Variants in ZNF107 observed in about 807,000 individuals in gnomAD.
ZNF107 encodes the protein C2H2 type zinc-finger protein.
A neutral mutation model predicts 12.3 loss-of-function variants in ZNF107; 19 were observed. That is an observed-to-expected ratio of 1.55 (90% CI 1.08 to 2.27). ZNF107 has a LOEUF of 2.27. Among genes scored for constraint, ZNF107 ranks in the 30% most tolerant of loss-of-function variants. ZNF107 has a pLI of 0.00. For missense variants in ZNF107, 958 were observed against 979.9 expected (o/e 0.98, Z 0.30); for synonymous variants, 317 against 330.5 (o/e 0.96, Z 0.44).
chr7:64,670,186 TA>T (rs1034083294), intron 1 of ZNF107, among the ~76,000 whole-genome samples: 2 of 151,944 alleles, frequency 1.3e-5, no homozygotes, highest in African/African-American at 4.8e-5. Flanking sequence ...AAGGTTTCTG[TA>T]AAAAAAATTC....
chr7:64,682,986 CACACTTGG>C (rs1361884242), intron 1 of ZNF107, among the ~76,000 whole-genome samples: 1 of 152,148 alleles, frequency 6.6e-6, no homozygotes, highest in Non-Finnish European at 1.5e-5. Context: ...AAACCCAGAT[CACACTTGG>C]TTTATTGATG....
intron 1 of ZNF107, among the ~76,000 whole-genome samples, chr7:64,690,742 T>A (rs1427431368): frequency 6.6e-6 from 1 of 152,158 alleles, no homozygotes; most frequent in Non-Finnish European, 1.5e-5. Flanking sequence ...CCTATACATT[T>A]TTTTATTCTT....
intron 1 of ZNF107, chr7:64,690,235 A>T: frequency 2.9e-6 from 1 of 345,536 alleles, no homozygotes; most frequent in Non-Finnish European, 4.1e-6. Flanking sequence ...TGCTAAGAAT[A>T]CATATTTATC....
intron 3 of ZNF107, among the ~76,000 whole-genome samples, chr7:64,699,075 A>G (rs1790386511): frequency 6.6e-6 from 1 of 151,814 alleles, no homozygotes; most frequent in South Asian, 2.1e-4. Context: ...TTTTGTTATT[A>G]TAGCTTTTAA....
chr7:64,698,977 A>C (rs1790383569), intron 3 of ZNF107, among the ~76,000 whole-genome samples: 1 of 152,148 alleles, frequency 6.6e-6, no homozygotes, highest in Non-Finnish European at 1.5e-5. Context: ...AACTTTGTAG[A>C]AGATCATTTG....
chr7:64,668,691 A>C (rs1789103018), intron 1 of ZNF107, among the ~76,000 whole-genome samples: 1 of 152,142 alleles, frequency 6.6e-6, no homozygotes. Flanking sequence ...AAGAATTCTC[A>C]TTTACCTTTT....
Position 64,679,118 on chromosome 7 carries a change from A to G in ZNF107, c.4-12130A>G, listed in dbSNP as rs1434442711. ...CAGGCTTTGTGTGAGCAGTGAGGCT[A>G]TTTATTCACTTGGGTGCGAGCTCAC... On this transcript the variant is annotated intron_variant, in intron 1 of 3. Transcript: ENST00000620827. 2.0e-5 allele frequency: 18 copies of G among 909,078 alleles called. No individual in the cohort carries two copies. The East Asian group carries it at 3.7e-4, about 19-fold the overall frequency. The allele number at this position is 909,078 out of a possible 1,614,324, so 56.3% of individuals were successfully genotyped here. A position where few individuals can be genotyped will look rare whatever the true frequency, so the allele number is the denominator to read the frequency against.
Position 64,708,676 on chromosome 7 carries a change from A to G in ZNF107, c.*20A>G. On this transcript the variant is annotated 3_prime_UTR_variant, in exon 4 of 4. Coordinates refer to ENST00000620827, the MANE Select transcript of ZNF107 (RefSeq NM_001282359.2). The stretch of plus-strand genomic sequence containing the variant: ...ACTTAATTGATCCTACAAGCTTACT[A>G]CACATAGGAAAATTCATACTGGAGA... 2 of 1,574,942 alleles carry G rather than the reference A, an allele frequency of 1.3e-6. No individual in the cohort carries two copies. The highest frequency in any genetic ancestry group is 1.7e-6 in the Non-Finnish European group (2 of 1,159,298).
chr7:64,666,795 T>C (rs1562819178), intron 1 of ZNF107, among the ~76,000 whole-genome samples: 2 of 152,200 alleles, frequency 1.3e-5, no homozygotes, highest in Non-Finnish European at 2.9e-5. Context: ...CCAGCTGTGG[T>C]TTGTAGTTTA....
chr7:64,680,667 G>A (rs972344037), intron 1 of ZNF107, among the ~76,000 whole-genome samples: 1 of 152,184 alleles, frequency 6.6e-6, no homozygotes, highest in African/African-American at 2.4e-5. Flanking sequence ...AGACCCTGAA[G>A]GGCCAGGGGC....
At chr7:64,669,503 C>G (rs111461286) in intron 1 of ZNF107, among the ~76,000 whole-genome samples, 3,314 of 152,186 alleles carry the variant, frequency 0.022, 117 homozygotes, top group African/African-American at 0.076. Flanking sequence ...CTTAAAATTT[C>G]CTTCCCTTGG....
rs181133273 is a variant in ZNF107 at position 64,709,432 on chromosome 7, A to G, written c.*776A>G. On this transcript the variant is annotated 3_prime_UTR_variant, in exon 4 of 4. Coordinates refer to ENST00000620827, the MANE Select transcript of ZNF107 (RefSeq NM_001282359.2). Reference sequence around the variant, plus strand: ...AACCAATCCTCAAACCTCACTAAACATAAGATAATACTGAAAACTTTACAA... The same window carrying G: ...AACCAATCCTCAAACCTCACTAAACGTAAGATAATACTGAAAACTTTACAA... The G allele has an allele frequency of 1.5e-5, 5 of 343,886 alleles. No individual in the cohort carries two copies. The highest frequency in any genetic ancestry group is 8.8e-5 in the African/African-American group (4 of 45,326). 21.3% of individuals were successfully genotyped at this position (343,886 alleles called of 1,614,324 possible).
chr7:64,679,996 C>T (rs989449612), intron 1 of ZNF107, among the ~76,000 whole-genome samples: 5 of 152,070 alleles, frequency 3.3e-5, no homozygotes, highest in African/African-American at 4.8e-5. Context: ...CAGACCCTTC[C>T]GATATTTCTC....
At chr7:64,693,305 G>T (rs531509276) in intron 3 of ZNF107, among the ~76,000 whole-genome samples, 145 of 147,902 alleles carry the variant, frequency 9.8e-4, no homozygotes, top group Middle Eastern at 7.2e-3. Flanking sequence ...GAGCCACCAC[G>T]CCTGGCCAGT....
intron 1 of ZNF107, among the ~76,000 whole-genome samples, chr7:64,674,150 A>G (rs890199866): frequency 2.6e-5 from 4 of 151,542 alleles, no homozygotes; most frequent in African/African-American, 9.7e-5. Context: ...TTCTGCTAAG[A>G]ATGTTTTTGG....
At chr7:64,668,661 A>G (rs1268484393) in intron 1 of ZNF107, among the ~76,000 whole-genome samples, 8 of 152,090 alleles carry the variant, frequency 5.3e-5, no homozygotes, top group Non-Finnish European at 1.0e-4. Flanking sequence ...AATAATATCT[A>G]ATCATATATT....
intron 1 of ZNF107, among the ~76,000 whole-genome samples, chr7:64,671,783 T>TC (rs1789235854): frequency 1.4e-5 from 2 of 145,494 alleles, no homozygotes; most frequent in Non-Finnish European, 1.5e-5. Flanking sequence ...TTTGTTCTTT[T>TC]TTTTTTTTTT....
intron 1 of ZNF107, chr7:64,669,204 CG>C (rs774697303): frequency 6.6e-6 from 1 of 151,132 alleles, no homozygotes; most frequent in Non-Finnish European, 1.5e-5. Flanking sequence ...TTATTAGACA[CG>C]GGGTTTCACC....
At position 64,708,586 on chromosome 7, in the gene ZNF107, C is replaced by G. The variant is rs866736850; in HGVS notation, c.2489C>G (p.Ser830Ter). The G allele has an allele frequency of 3.1e-6, 5 of 1,612,076 alleles. No homozygotes were observed. The highest frequency in any genetic ancestry group is 2.2e-5 in the South Asian group (2 of 90,848). Reference sequence around the variant, plus strand: ...TATGGCAGAGCTTTCAACCTATCCTCAAATCTTACTACACATAAGAAAATT... The same window carrying G: ...TATGGCAGAGCTTTCAACCTATCCTGAAATCTTACTACACATAAGAAAATT... ...GDYGRAFNLS[S>*]NLTTHKKIHT... Residue 830 changes from serine (S) to a stop codon, truncating the protein, a stop_gained, in exon 4 of 4, where the codon TCA (serine) becomes TGA (stop). Transcript: ENST00000620827. LOFTEE classifies it low-confidence loss of function (END_TRUNC).
Sources: allele counts gnomAD v4.1 joint callset (sites outside exome capture counted in the v4.1 genomes callset), GRCh38; gene constraint gnomAD v4.1.1; transcripts MANE v1.5; gene names NCBI Gene and HGNC (gene_info 2026-07-23, HGNC 2026-07-21).